The following ASIC2 variants were observed in gnomAD, a reference collection of about 807,000 sequenced individuals.
ASIC2 encodes acid sensing ion channel subunit 2, also known as acid-sensing ion channel 2.
Under a neutral mutation model 57.3 loss-of-function variants are expected in ASIC2, and 25 were observed. That is an observed-to-expected ratio of 0.44 (90% CI 0.32 to 0.61). The LOEUF is 0.61. Ranked by LOEUF, ASIC2 falls within the 20% of genes least tolerant of loss-of-function variation. ASIC2 has a pLI of 0.06. For synonymous variants in ASIC2, 319 were observed against 307.5 expected, an observed-to-expected ratio of 1.04 and a Z score of -0.39; for missense variants, 641 against 738.1, an observed-to-expected ratio of 0.87 and a Z score of 1.52.
At chr17:33,452,161 G>A (rs1012314026) in intron 1 of ASIC2, among the ~76,000 whole-genome samples, 4 of 152,224 alleles carry the variant, frequency 2.6e-5, no homozygotes, top group African/African-American at 9.7e-5. Context: ...CTGCCTGTTA[G>A]TATTCGGATT....
intron 3 of ASIC2, among the ~76,000 whole-genome samples, chr17:33,085,530 T>G (rs911263472): frequency 1.3e-5 from 2 of 152,190 alleles, no homozygotes; most frequent in Non-Finnish European, 2.9e-5. Context: ...CTTAACATTA[T>G]TTTTGCCTTT....
chr17:33,152,587 TG>T (rs757451172), intron 1 of ASIC2, among the ~76,000 whole-genome samples: 10 of 151,212 alleles, frequency 6.6e-5, no homozygotes, highest in Non-Finnish European at 1.0e-4. Context: ...CACAGGGAGG[TG>T]GGAGAGAGAG....
chr17:33,300,050 G>A (rs1306938975), intron 1 of ASIC2, among the ~76,000 whole-genome samples: 2 of 152,012 alleles, frequency 1.3e-5, no homozygotes, highest in East Asian at 3.9e-4. Flanking sequence ...TTTTGAAATT[G>A]GTAACATATT....
intron 1 of ASIC2, among the ~76,000 whole-genome samples, chr17:33,870,709 G>A (rs915480): frequency 0.28 from 42,387 of 151,956 alleles, 6,292 homozygotes; most frequent in African/African-American, 0.37. Context: ...TATATTTGAG[G>A]TTCACCTGAA....
At chr17:33,067,321 C>A (rs945062638) in intron 3 of ASIC2, among the ~76,000 whole-genome samples, 3 of 152,142 alleles carry the variant, frequency 2.0e-5, no homozygotes, top group Non-Finnish European at 2.9e-5. Flanking sequence ...CTGTGGGCAT[C>A]TGAGAAGGCT....
chr17:33,345,342 G>A (rs57870648), intron 1 of ASIC2, among the ~76,000 whole-genome samples: 33,701 of 152,170 alleles, frequency 0.22, 3,916 homozygotes, highest in East Asian at 0.4. Flanking sequence ...CGATGGGCAA[G>A]GCAAGATCCC....
intron 1 of ASIC2, among the ~76,000 whole-genome samples, chr17:33,635,265 A>G (rs572235343): frequency 6.6e-6 from 1 of 152,344 alleles, no homozygotes; most frequent in East Asian, 1.9e-4. Flanking sequence ...AGATTCAGTG[A>G]GCACTTGCTA....
intron 1 of ASIC2, among the ~76,000 whole-genome samples, chr17:33,817,702 A>G (rs983116103): frequency 6.6e-6 from 1 of 152,174 alleles, no homozygotes. Flanking sequence ...TAATACAACC[A>G]TATTTATTTT....
At chr17:33,831,459 G>C (rs1913108399) in intron 1 of ASIC2, among the ~76,000 whole-genome samples, 1 of 151,962 alleles carries the variant, frequency 6.6e-6, no homozygotes, top group African/African-American at 2.4e-5. Flanking sequence ...CTACCCCGAA[G>C]ACCAAGACCA....
intron 1 of ASIC2, among the ~76,000 whole-genome samples, chr17:33,821,408 C>T (rs1912742424): frequency 6.6e-6 from 1 of 152,176 alleles, no homozygotes; most frequent in African/African-American, 2.4e-5. Flanking sequence ...AGTCTATGCA[C>T]ACCTCTTGGC....
At chr17:33,913,888 A>G (rs755501661) in intron 1 of ASIC2, among the ~76,000 whole-genome samples, 1 of 152,230 alleles carries the variant, frequency 6.6e-6, no homozygotes, top group Non-Finnish European at 1.5e-5. Flanking sequence ...TCTCATTTTA[A>G]TTTTCCCAAC....
chr17:33,724,567 G>A (rs1356977522), intron 1 of ASIC2, among the ~76,000 whole-genome samples: 2 of 152,196 alleles, frequency 1.3e-5, no homozygotes, highest in Non-Finnish European at 2.9e-5. Context: ...TGGAAGTGGA[G>A]AAGATGGGAT....
intron 3 of ASIC2, among the ~76,000 whole-genome samples, chr17:33,029,387 T>C (rs926278514): frequency 5.3e-5 from 8 of 152,228 alleles, no homozygotes; most frequent in Admixed American, 5.2e-4. Flanking sequence ...CTATGTGCTC[T>C]TTTGCATCTA....
intron 1 of ASIC2, among the ~76,000 whole-genome samples, chr17:33,861,303 G>A (rs895005755): frequency 3.9e-5 from 6 of 152,136 alleles, no homozygotes; most frequent in African/African-American, 1.4e-4. Context: ...GAAAAACGCA[G>A]AGTTCAAAAT....
At chr17:33,187,853 C>T (rs532091791) in intron 1 of ASIC2, among the ~76,000 whole-genome samples, 12 of 141,426 alleles carry the variant, frequency 8.5e-5, no homozygotes, top group African/African-American at 2.9e-4. Context: ...TGATAACATC[C>T]AACAACATGA....
At chr17:33,889,093 T>G (rs1404063403) in intron 1 of ASIC2, among the ~76,000 whole-genome samples, 1 of 152,156 alleles carries the variant, frequency 6.6e-6, no homozygotes, top group Non-Finnish European at 1.5e-5. Context: ...TAGGAGCCTG[T>G]TCAGTTTATT....
intron 1 of ASIC2, among the ~76,000 whole-genome samples, chr17:33,597,063 C>T (rs1905002133): frequency 6.6e-6 from 1 of 152,208 alleles, no homozygotes; most frequent in Admixed American, 6.5e-5. Flanking sequence ...ATCAACACAG[C>T]CAAAGGCTTC....
intron 1 of ASIC2, among the ~76,000 whole-genome samples, chr17:33,362,946 A>C (rs1429971636): frequency 6.6e-6 from 1 of 152,224 alleles, no homozygotes; most frequent in Non-Finnish European, 1.5e-5. Flanking sequence ...TTGTCCTAAA[A>C]CTATATGTGT....
intron 1 of ASIC2, among the ~76,000 whole-genome samples, chr17:33,377,520 C>G (rs1346281915): frequency 2.0e-5 from 3 of 152,218 alleles, no homozygotes; most frequent in African/African-American, 7.2e-5. Context: ...TTGACCCAAT[C>G]GCATTCATCT....
Sources: allele counts gnomAD v4.1 joint callset (sites outside exome capture counted in the v4.1 genomes callset), GRCh38; gene constraint gnomAD v4.1.1; transcripts MANE v1.5; gene names NCBI Gene and HGNC (gene_info 2026-07-23, HGNC 2026-07-21).